Variants in RPS6KC1 observed in about 807,000 individuals in gnomAD.
The protein encoded by RPS6KC1 is inactive ribosomal protein S6 kinase delta-1.
Under a neutral mutation model 103.8 loss-of-function variants are expected in RPS6KC1, and 54 were observed. That is an observed-to-expected ratio of 0.52 (90% confidence interval 0.42 to 0.65). The LOEUF is 0.65. Among genes scored for constraint, RPS6KC1 ranks in the 30% least tolerant of loss-of-function variants. The probability of loss-of-function intolerance (pLI) is 0.00; values close to 1 mark genes in which losing one functional copy is unlikely to be tolerated. For synonymous variants in RPS6KC1, 439 were observed against 438.7 expected, an observed-to-expected ratio of 1.00 and a Z score of -0.01; for missense variants, 1,151 against 1,253.8, an observed-to-expected ratio of 0.92 and a Z score of 1.24.
At chr1:213,673,840 T>C in the RPS6KC1 span, among the ~76,000 whole-genome samples, 5 of 152,204 alleles carry the variant, frequency 3.3e-5, no homozygotes, top group African/African-American at 1.2e-4. Context: ...TTTAGTCATT[T>C]CAATTTGTCT....
chr1:213,251,354 C>T (rs2094542959), intron 12 of RPS6KC1, among the ~76,000 whole-genome samples: 1 of 152,184 alleles, frequency 6.6e-6, no homozygotes, highest in African/African-American at 2.4e-5. Context: ...CATCCACCTG[C>T]CTGGTCCTCT....
chr1:213,541,926 G>A, the RPS6KC1 span, among the ~76,000 whole-genome samples: 1 of 152,158 alleles, frequency 6.6e-6, no homozygotes, highest in Non-Finnish European at 1.5e-5. Context: ...TGGGGCCAAA[G>A]CTTCGTGGAG....
At chr1:213,534,851 G>T in the RPS6KC1 span, among the ~76,000 whole-genome samples, 11 of 152,130 alleles carry the variant, frequency 7.2e-5, no homozygotes, top group Non-Finnish European at 1.6e-4. Flanking sequence ...GTCTTTGCCC[G>T]CTACAGCTAC....
chr1:213,445,947 C>T, the RPS6KC1 span, among the ~76,000 whole-genome samples: 1 of 152,168 alleles, frequency 6.6e-6, no homozygotes, highest in Non-Finnish European at 1.5e-5. Flanking sequence ...GGCCTTCCAC[C>T]CCCATGCCTC....
the RPS6KC1 span, among the ~76,000 whole-genome samples, chr1:213,853,425 C>T: frequency 6.6e-6 from 1 of 152,202 alleles, no homozygotes; most frequent in African/African-American, 2.4e-5. Flanking sequence ...AGGATAATAA[C>T]CTTCTCAAAG....
chr1:213,310,761 A>G, the RPS6KC1 span, among the ~76,000 whole-genome samples: 7 of 152,256 alleles, frequency 4.6e-5, no homozygotes, highest in South Asian at 2.1e-4. Flanking sequence ...GAATATGGAA[A>G]TGAATAAATT....
At chr1:213,512,971 C>T in the RPS6KC1 span, among the ~76,000 whole-genome samples, 2 of 152,198 alleles carry the variant, frequency 1.3e-5, no homozygotes, top group Non-Finnish European at 2.9e-5. Context: ...AAGAATGACC[C>T]TCTTAAAGAT....
chr1:213,355,315 T>C, the RPS6KC1 span, among the ~76,000 whole-genome samples: 5 of 152,004 alleles, frequency 3.3e-5, no homozygotes, highest in Non-Finnish European at 7.4e-5. Context: ...TGGCGGGATG[T>C]ACAAGGGCGT....
intron 4 of RPS6KC1, among the ~76,000 whole-genome samples, chr1:213,116,059 T>C (rs1558348211): frequency 6.6e-6 from 1 of 152,034 alleles, no homozygotes; most frequent in African/African-American, 2.4e-5. Context: ...TCTGTAGATA[T>C]CTATTAGGTC....
chr1:213,672,360 A>C, the RPS6KC1 span, among the ~76,000 whole-genome samples: 1 of 152,302 alleles, frequency 6.6e-6, no homozygotes, highest in South Asian at 2.1e-4. Flanking sequence ...ATTTTCAAAC[A>C]CATTTCAATC....
At chr1:213,556,950 C>T in the RPS6KC1 span, among the ~76,000 whole-genome samples, 3 of 152,156 alleles carry the variant, frequency 2.0e-5, no homozygotes, top group Admixed American at 6.5e-5. Context: ...TATTCCCTCT[C>T]TCAGAATTGG....
At chr1:213,299,288 G>A in the RPS6KC1 span, among the ~76,000 whole-genome samples, 4 of 152,172 alleles carry the variant, frequency 2.6e-5, no homozygotes, top group South Asian at 2.1e-4. Context: ...AGTGGCTCAC[G>A]CCTGTAATCC....
chr1:213,230,172 G>T lies in RPS6KC1; in HGVS notation c.1045-325G>T, dbSNP rs370074217. Among the ~76,000 whole-genome samples, 7 of 152,246 alleles carry T rather than the reference G, an allele frequency of 4.6e-5. 1 individual carries two copies. The highest frequency in any genetic ancestry group is 1.7e-4 in the African/African-American group (7 of 41,522). ...AACAATTTTTTTTGAACCACTTCCT[G>T]TTGATCATATATGTTCCAAGAGGAA... On this transcript the variant is annotated intron_variant, in intron 8 of 14. Coordinates refer to ENST00000366960, the MANE Select transcript of RPS6KC1 (RefSeq NM_012424.6).
the RPS6KC1 span, among the ~76,000 whole-genome samples, chr1:213,334,606 G>T: frequency 5.3e-5 from 8 of 152,268 alleles, no homozygotes; most frequent in Middle Eastern, 3.4e-3. Flanking sequence ...GCTTATTTTT[G>T]CACACTTTAT....
At chr1:213,287,809 A>AC in the RPS6KC1 span, among the ~76,000 whole-genome samples, 1 of 152,162 alleles carries the variant, frequency 6.6e-6, no homozygotes, top group Non-Finnish European at 1.5e-5. Context: ...TCCATGGCAT[A>AC]CCCCTGCTGT....
At chr1:213,438,012 T>C in the RPS6KC1 span, among the ~76,000 whole-genome samples, 5 of 152,166 alleles carry the variant, frequency 3.3e-5, no homozygotes, top group African/African-American at 1.2e-4. Flanking sequence ...ACTCTGTGTC[T>C]GTTTCTTCAT....
chr1:213,191,059 A>G (rs2092727391), intron 8 of RPS6KC1, among the ~76,000 whole-genome samples: 1 of 152,164 alleles, frequency 6.6e-6, no homozygotes, highest in South Asian at 2.1e-4. Context: ...GCTCTTTAGT[A>G]TAATTTAAAG....
At chr1:213,673,147 T>C in the RPS6KC1 span, among the ~76,000 whole-genome samples, 2 of 152,152 alleles carry the variant, frequency 1.3e-5, no homozygotes, top group Non-Finnish European at 2.9e-5. Flanking sequence ...GGACAGCAAC[T>C]GGGATTCATA....
intron 12 of RPS6KC1, among the ~76,000 whole-genome samples, chr1:213,242,879 T>A (rs1281170218): frequency 1.3e-5 from 2 of 152,246 alleles, no homozygotes; most frequent in African/African-American, 2.4e-5. Flanking sequence ...TATTTATTAT[T>A]GTTAAATGAG....
Sources: allele counts gnomAD v4.1 joint callset (sites outside exome capture counted in the v4.1 genomes callset), GRCh38; gene constraint gnomAD v4.1.1; transcripts MANE v1.5; gene names NCBI Gene and HGNC (gene_info 2026-07-23, HGNC 2026-07-21).